The following CDH1 variants were observed in gnomAD, a reference collection of about 807,000 sequenced individuals.
CDH1 encodes the protein cadherin 1, also known as cadherin-1.
In CDH1, 35 loss-of-function variants were observed where a neutral mutation model predicts 84.5. The ratio of observed to expected loss-of-function variants is 0.41; its 90% CI spans 0.32 to 0.55. The LOEUF (loss-of-function observed/expected upper bound fraction) is 0.55. CDH1 is among the 20% of genes least tolerant of loss of function. CDH1 has a pLI of 0.19. For missense variants in CDH1, 994 were observed against 1,126.6 expected (o/e 0.88, Z 1.68); for synonymous variants, 417 against 439.0 (o/e 0.95, Z 0.63).
At chr16:68,739,043 G>A (rs1962488399) in intron 2 of CDH1, among the ~76,000 whole-genome samples, 1 of 136,960 alleles carries the variant, frequency 7.3e-6, no homozygotes, top group Non-Finnish European at 1.5e-5. Flanking sequence ...CATCCTCTGG[G>A]CTCAAGTGAT....
intron 2 of CDH1, among the ~76,000 whole-genome samples, chr16:68,775,007 T>A (rs1477458717): frequency 6.6e-6 from 1 of 151,772 alleles, no homozygotes. Context: ...GCACCTGTGG[T>A]CCCAGCTACT....
At chr16:68,813,690 T>G in intron 9 of CDH1, 195 bp downstream of exon 9, 3 of 721,698 alleles carry the variant, frequency 4.2e-6, no homozygotes, top group South Asian at 2.8e-5. Flanking sequence ...GTGCTGTGTG[T>G]GGTGGCTCAC....
chr16:68,776,968 C>T (rs917853647), intron 2 of CDH1, among the ~76,000 whole-genome samples: 7 of 152,152 alleles, frequency 4.6e-5, no homozygotes, highest in African/African-American at 1.7e-4. Flanking sequence ...GAGCTGAAAC[C>T]TCAATCTTGG....
At chr16:68,827,912 G>T (rs917306203) in intron 13 of CDH1, among the ~76,000 whole-genome samples, 2 of 152,150 alleles carry the variant, frequency 1.3e-5, no homozygotes, top group African/African-American at 4.8e-5. Flanking sequence ...TTGGGAAAAT[G>T]ACAGTGATTG....
chr16:68,771,621 G>A (rs553843261), intron 2 of CDH1, among the ~76,000 whole-genome samples: 2 of 151,932 alleles, frequency 1.3e-5, no homozygotes, highest in African/African-American at 4.8e-5. Flanking sequence ...GCGTGGTGGC[G>A]CATGCCTGTA....
chr16:68,798,626 G>T (rs1294377706), intron 2 of CDH1, among the ~76,000 whole-genome samples: 2 of 152,102 alleles, frequency 1.3e-5, no homozygotes, highest in Non-Finnish European at 2.9e-5. Context: ...CATTTTTTCA[G>T]GCCGCCACCC....
intron 2 of CDH1, among the ~76,000 whole-genome samples, chr16:68,779,070 C>T (rs1365309343): frequency 6.6e-6 from 1 of 152,202 alleles, no homozygotes; most frequent in African/African-American, 2.4e-5. Context: ...GTTGAGTCAA[C>T]TTATTTACAG....
intron 2 of CDH1, among the ~76,000 whole-genome samples, chr16:68,775,517 C>G (rs1381249522): frequency 6.6e-6 from 1 of 152,178 alleles, no homozygotes; most frequent in Non-Finnish European, 1.5e-5. Context: ...CTAAGGCCCC[C>G]TTTTTGTTCT....
chr16:68,776,843 T>C (rs1305108007), intron 2 of CDH1, among the ~76,000 whole-genome samples: 2 of 152,234 alleles, frequency 1.3e-5, no homozygotes, highest in Non-Finnish European at 1.5e-5. Context: ...TACTTTCTCA[T>C]GTAGTTCTCA....
chr16:68,774,986 C>G (rs1267391275), intron 2 of CDH1, among the ~76,000 whole-genome samples: 1 of 152,038 alleles, frequency 6.6e-6, no homozygotes, highest in African/African-American at 2.4e-5. Flanking sequence ...TGAAGCCAAG[C>G]ATGGTGGTGC....
chr16:68,766,266 AAAC>A (rs796790992), intron 2 of CDH1, among the ~76,000 whole-genome samples: 11 of 152,314 alleles, frequency 7.2e-5, no homozygotes, highest in African/African-American at 2.6e-4. Flanking sequence ...TTACAAAACA[AAAC>A]AAAAAAATTT....
chr16:68,814,958 G>A (rs1960943545), intron 9 of CDH1, among the ~76,000 whole-genome samples: 1 of 151,266 alleles, frequency 6.6e-6, no homozygotes, highest in Non-Finnish European at 1.5e-5. Context: ...GGGTGCAGTT[G>A]CTGATGTCTG....
At chr16:68,780,599 A>G (rs2113199) in intron 2 of CDH1, among the ~76,000 whole-genome samples, 42,629 of 152,006 alleles carry the variant, frequency 0.28, 6,071 homozygotes, top group Middle Eastern at 0.33. Context: ...CACCTGTTCT[A>G]TTGTTTTCTC....
chr16:68,767,082 G>A (rs1959412966), intron 2 of CDH1, among the ~76,000 whole-genome samples: 2 of 152,020 alleles, frequency 1.3e-5, no homozygotes, highest in Admixed American at 6.6e-5. Flanking sequence ...TTTAGCTGTG[G>A]TCTGCTGTGA....
At chr16:68,816,509 G>C (rs1466248101) in intron 10 of CDH1, among the ~76,000 whole-genome samples, 1 of 152,170 alleles carries the variant, frequency 6.6e-6, no homozygotes, top group Non-Finnish European at 1.5e-5. Flanking sequence ...ACTTAGGGAG[G>C]CCTAGGCAGG....
chr16:68,786,934 CA>C, intron 2 of CDH1, among the ~76,000 whole-genome samples: 1 of 152,178 alleles, frequency 6.6e-6, no homozygotes, highest in African/African-American at 2.4e-5. Flanking sequence ...GCCTTTCCAG[CA>C]CAGCCCACAT....
At chr16:68,823,247 A>C in intron 12 of CDH1, 152 bp from the exon 13 acceptor site, 1 of 632,640 alleles carries the variant, frequency 1.6e-6, no homozygotes, top group Non-Finnish European at 2.8e-6. Context: ...CAAAAAAAAA[A>C]AAAAAAAAGT....
At chr16:68,799,201 T>C (rs1377704580) in intron 2 of CDH1, among the ~76,000 whole-genome samples, 2 of 152,222 alleles carry the variant, frequency 1.3e-5, no homozygotes, top group Admixed American at 1.3e-4. Flanking sequence ...CCCTTTTTCC[T>C]TGTCTCTGTC....
chr16:68,741,042 G>C (rs1039371609), intron 2 of CDH1, among the ~76,000 whole-genome samples: 1 of 151,926 alleles, frequency 6.6e-6, no homozygotes. Context: ...CTCCGAGAGG[G>C]GGTGGTGATG....
Sources: gnomAD v4.1 joint callset for allele counts (sites outside exome capture counted in the v4.1 genomes callset) on GRCh38, gnomAD v4.1.1 for gene constraint, MANE v1.5 for transcripts, NCBI Gene and HGNC (gene_info 2026-07-23, HGNC 2026-07-21) for gene names.